MED13L: variants seen among roughly 807,000 people sequenced by gnomAD.
MED13L encodes the protein mediator of RNA polymerase II transcription subunit 13-like.
MED13L carries 7 observed loss-of-function variants against 220.9 expected under a neutral mutation model. The ratio of observed to expected loss-of-function variants is 0.03; its 90% CI spans 0.02 to 0.06. The LOEUF is 0.06. MED13L is among the 10% of genes least tolerant of loss of function. The pLI, the probability that MED13L is intolerant of heterozygous loss-of-function variation, is 1.00. For missense variants in MED13L, 1,965 were observed against 2,760.5 expected, an observed-to-expected ratio of 0.71 and a Z score of 6.46; for synonymous variants, 1,011 against 1,015.2, an observed-to-expected ratio of 1.00 and a Z score of 0.08.
At chr12:116,115,676 A>C (rs1451642185) in intron 2 of MED13L, among the ~76,000 whole-genome samples, 5 of 152,162 alleles carry the variant, frequency 3.3e-5, no homozygotes, top group East Asian at 1.9e-4. Flanking sequence ...CCAAAAAAAA[A>C]CAATTTTTTA....
intron 13 of MED13L, 50 bp from the exon 14 acceptor site, chr12:116,003,152 G>A: frequency 1.3e-6 from 2 of 1,513,288 alleles, no homozygotes; most frequent in Non-Finnish European, 9.2e-7. Flanking sequence ...TATAAGTAGG[G>A]CAGCATTCAA....
intron 1 of MED13L, among the ~76,000 whole-genome samples, chr12:116,246,475 G>A (rs1871105267): frequency 6.6e-6 from 1 of 151,512 alleles, no homozygotes; most frequent in Non-Finnish European, 1.5e-5. Context: ...TCTTAAAGGG[G>A]TTTCATACAA....
chr12:116,213,219 G>T (rs919426427), intron 2 of MED13L, among the ~76,000 whole-genome samples: 3 of 152,088 alleles, frequency 2.0e-5, no homozygotes, highest in African/African-American at 7.2e-5. Context: ...ATGGGAAGGA[G>T]TGGGCAGACA....
intron 1 of MED13L, among the ~76,000 whole-genome samples, chr12:116,260,936 C>T (rs939404377): frequency 6.6e-6 from 1 of 152,204 alleles, no homozygotes; most frequent in Non-Finnish European, 1.5e-5. Flanking sequence ...GTAACAAAGG[C>T]TGATACAGAG....
intron 2 of MED13L, among the ~76,000 whole-genome samples, chr12:116,232,342 C>T (rs1869641221): frequency 6.6e-6 from 1 of 151,968 alleles, no homozygotes; most frequent in African/African-American, 2.4e-5. Context: ...AAAAAAGAGA[C>T]AACATAAATT....
At chr12:116,009,981 C>A (rs1044447694) in intron 9 of MED13L, among the ~76,000 whole-genome samples, 2 of 152,102 alleles carry the variant, frequency 1.3e-5, no homozygotes, top group Non-Finnish European at 2.9e-5. Flanking sequence ...GGTCTCCTGC[C>A]GGTGTAGTAG....
chr12:116,263,602 T>C (rs891731799), intron 1 of MED13L, among the ~76,000 whole-genome samples: 1 of 152,226 alleles, frequency 6.6e-6, no homozygotes, highest in African/African-American at 2.4e-5. Context: ...CAGTCTCCAA[T>C]GAATAAGGCA....
intron 2 of MED13L, among the ~76,000 whole-genome samples, chr12:116,151,048 C>A (rs1335757582): frequency 6.6e-6 from 1 of 151,942 alleles, no homozygotes; most frequent in Non-Finnish European, 1.5e-5. Context: ...AGGTCTATCA[C>A]AACATCTTAT....
intron 2 of MED13L, among the ~76,000 whole-genome samples, chr12:116,112,437 C>A (rs933794401): frequency 1.3e-5 from 2 of 152,180 alleles, no homozygotes; most frequent in African/African-American, 4.8e-5. Flanking sequence ...GCTTTTACCA[C>A]ACCAGTAGAC....
intron 13 of MED13L, among the ~76,000 whole-genome samples, chr12:116,005,382 T>C (rs1878987930): frequency 6.6e-6 from 1 of 152,236 alleles, no homozygotes; most frequent in South Asian, 2.1e-4. Context: ...ATTTAACTTC[T>C]ATGTATATAA....
intron 4 of MED13L, among the ~76,000 whole-genome samples, chr12:116,056,429 AT>A (rs1350775080): frequency 6.6e-6 from 1 of 151,876 alleles, no homozygotes; most frequent in Non-Finnish European, 1.5e-5. Flanking sequence ...GAGTTTTGTC[AT>A]GTTGCCCAGG....
chr12:116,121,035 G>C (rs1017575011), intron 2 of MED13L, among the ~76,000 whole-genome samples: 1 of 152,128 alleles, frequency 6.6e-6, no homozygotes, highest in Non-Finnish European at 1.5e-5. Context: ...TACTACTACA[G>C]CTGCCTATTT....
chr12:116,178,730 C>T (rs1880265829), intron 2 of MED13L, among the ~76,000 whole-genome samples: 1 of 152,154 alleles, frequency 6.6e-6, no homozygotes, highest in Admixed American at 6.5e-5. Context: ...GTGTCTTAAT[C>T]AACTTAAGCA....
chr12:116,176,044 G>C (rs1880039490), intron 2 of MED13L, among the ~76,000 whole-genome samples: 1 of 152,114 alleles, frequency 6.6e-6, no homozygotes, highest in Non-Finnish European at 1.5e-5. Context: ...GGGAGTGGAA[G>C]AGACCACTGA....
intron 2 of MED13L, among the ~76,000 whole-genome samples, chr12:116,210,434 T>C (rs985596218): frequency 5.3e-5 from 8 of 151,790 alleles, no homozygotes; most frequent in Admixed American, 2.6e-4. Flanking sequence ...TAAATGTTTG[T>C]TGAATGAATC....
chr12:116,076,997 G>C (rs1870857113), intron 4 of MED13L, among the ~76,000 whole-genome samples: 1 of 152,152 alleles, frequency 6.6e-6, no homozygotes, highest in South Asian at 2.1e-4. Context: ...TTCCTCTCCA[G>C]TCAGTGCAGT....
In MED13L at chr12:116,205,532, G is replaced by GA. The variant is rs34982320; in HGVS notation, c.310+31935dup. 2.4e-3 allele frequency among the ~76,000 whole-genome samples: 221 copies of GA among 94,014 alleles called. 3 individuals are homozygous for GA. Among genetic ancestry groups the GA allele is most frequent in the South Asian group, 4.4e-3 (13 of 2,936 alleles). The allele number at this position is 94,014 out of a possible 152,430, so 61.7% of individuals were successfully genotyped here. On this transcript the variant is annotated intron_variant, in intron 2 of 30. Coordinates refer to ENST00000281928, the MANE Select transcript of MED13L (RefSeq NM_015335.5). ...ATTAAAAAAAAAAAACAAAGGAAGAGAAAAAAAAAAAAAAAAAGGAAAGTC... is the reference window on the plus strand; with the variant it reads ...ATTAAAAAAAAAAAACAAAGGAAGAGAAAAAAAAAAAAAAAAAAGGAAAGTC...
At chr12:116,220,166 T>C (rs1014362984) in intron 2 of MED13L, among the ~76,000 whole-genome samples, 2 of 152,186 alleles carry the variant, frequency 1.3e-5, no homozygotes, top group Admixed American at 1.3e-4. Flanking sequence ...TGTAACAGAC[T>C]AGCTTAAGCT....
At chr12:116,077,891 G>T (rs1211350826) in intron 4 of MED13L, among the ~76,000 whole-genome samples, 1 of 152,086 alleles carries the variant, frequency 6.6e-6, no homozygotes, top group Non-Finnish European at 1.5e-5. Flanking sequence ...TGTGGCTCAC[G>T]CCTGTAATCC....
Sources: gnomAD v4.1 joint callset for allele counts (sites outside exome capture counted in the v4.1 genomes callset) on GRCh38, gnomAD v4.1.1 for gene constraint, MANE v1.5 for transcripts, NCBI Gene and HGNC (gene_info 2026-07-23, HGNC 2026-07-21) for gene names.